The following ADAMTS5 variants were observed in gnomAD, a reference collection of about 807,000 sequenced individuals.
ADAMTS5 encodes A disintegrin and metalloproteinase with thrombospondin motifs 5.
ADAMTS5 carries 54 observed loss-of-function variants against 81.4 expected under a neutral mutation model. The ratio of observed to expected loss-of-function variants is 0.66; its 90% CI spans 0.53 to 0.83. The LOEUF is 0.83. ADAMTS5 is among the 40% of genes least tolerant of loss of function. ADAMTS5 has a pLI of 0.00. For missense variants in ADAMTS5, 1,194 were observed against 1,229.9 expected, an observed-to-expected ratio of 0.97 and a Z score of 0.44; for synonymous variants, 532 against 508.8, an observed-to-expected ratio of 1.05 and a Z score of -0.61.
chr21:26,925,248 GTC>G (rs1986785768), intron 7 of ADAMTS5, among the ~76,000 whole-genome samples: 1 of 152,178 alleles, frequency 6.6e-6, no homozygotes, highest in Admixed American at 6.5e-5. Context: ...GGTGAGTAGA[GTC>G]TCTGCATTCC....
Position 26,924,631 on chromosome 21 carries a change from G to A in ADAMTS5, c.2226-11C>T, listed in dbSNP as rs373975626. The A allele has an allele frequency of 6.3e-7, 1 of 1,590,388 alleles. No homozygotes were observed. The highest frequency in any genetic ancestry group is 8.6e-7 in the Non-Finnish European group (1 of 1,166,460). On this transcript the variant is annotated splice_polypyrimidine_tract_variant and intron_variant, in intron 7 of 7. Coordinates refer to ENST00000284987, the MANE Select transcript of ADAMTS5 (RefSeq NM_007038.5). The stretch of plus-strand genomic sequence containing the variant: ...TCAGTGTAACCCTTACTGGAAGTAG[G>A]AATGTTCACAGGAAGTGGGGGAAGG...
chr21:26,926,659 C>T (rs1986810665), intron 7 of ADAMTS5, among the ~76,000 whole-genome samples: 1 of 142,698 alleles, frequency 7.0e-6, no homozygotes, highest in African/African-American at 2.7e-5. Context: ...CAGAGTGAGA[C>T]CCTGTCTTAA....
At position 26,924,452 on chromosome 21, in the gene ADAMTS5, G is replaced by A. The variant is rs750550101; in HGVS notation, c.2394C>T (p.Ile798=). The change falls in exon 8 of 8, where the codon ATC becomes ATT. Residue 798 remains isoleucine, a synonymous_variant. Coordinates refer to ENST00000284987, the MANE Select transcript of ADAMTS5 (RefSeq NM_007038.5). ...GKYMISTSET[I]IDINGTVMNY... is the part of the protein sequence containing the mutation. ...TCATGACTGTTCCATTGATGTCAATGATAGTCTCTGAAGTGGAGATCATGT... is the reference window on the plus strand; with the variant it reads ...TCATGACTGTTCCATTGATGTCAATAATAGTCTCTGAAGTGGAGATCATGT... 1 of 1,614,184 alleles carries A rather than the reference G, an allele frequency of 6.2e-7. No homozygotes were observed. The highest frequency in any genetic ancestry group is 1.1e-5 in the South Asian group (1 of 91,084).
intron 3 of ADAMTS5, among the ~76,000 whole-genome samples, chr21:26,937,064 T>C (rs1434470477): frequency 6.6e-6 from 1 of 152,234 alleles, no homozygotes; most frequent in Non-Finnish European, 1.5e-5. Flanking sequence ...AGGAAGTCTT[T>C]ACCATGTGTG....
intron 2 of ADAMTS5, among the ~76,000 whole-genome samples, chr21:26,952,072 C>T (rs1987329828): frequency 6.6e-6 from 1 of 152,138 alleles, no homozygotes; most frequent in East Asian, 1.9e-4. Flanking sequence ...CATATTCCCC[C>T]ACTTCCAGAC....
intron 2 of ADAMTS5, among the ~76,000 whole-genome samples, chr21:26,948,112 A>G (rs970874778): frequency 3.9e-5 from 6 of 152,226 alleles, no homozygotes; most frequent in Non-Finnish European, 7.3e-5. Flanking sequence ...GCTTCATTAA[A>G]TTCACAAGAG....
intron 6 of ADAMTS5, among the ~76,000 whole-genome samples, chr21:26,930,759 A>C (rs1986892575): frequency 6.6e-6 from 1 of 152,196 alleles, no homozygotes; most frequent in South Asian, 2.1e-4. Flanking sequence ...ATATATATAA[A>C]TAAGCCTGTA....
At chr21:26,963,395 C>A (rs894994336) in intron 1 of ADAMTS5, among the ~76,000 whole-genome samples, 1 of 151,666 alleles carries the variant, frequency 6.6e-6, no homozygotes, top group Admixed American at 6.6e-5. Context: ...TGTTATGGGG[C>A]AGGAGGTAGG....
intron 5 of ADAMTS5, 28 bp downstream of exon 5, chr21:26,932,833 T>C (rs756271144): frequency 1.3e-6 from 2 of 1,582,046 alleles, no homozygotes; most frequent in South Asian, 2.3e-5. Flanking sequence ...TAGCATATGA[T>C]GGTTGCTGAC....
In ADAMTS5 at chr21:26,932,975, C is replaced by T. The variant is rs761333384; in HGVS notation, c.1759G>A (p.Val587Met). The T allele has an allele frequency of 5.6e-6, 9 of 1,614,066 alleles. No individual in the cohort carries two copies. Among genetic ancestry groups the T allele is most frequent in the East Asian group, 4.5e-5 (2 of 44,852 alleles). Reference sequence around the variant, plus strand: ...TTACAGTGACGATAGGCAAACTGCACTCCTCCTCCACATGAGCGAGAACAC... The same window carrying T: ...TTACAGTGACGATAGGCAAACTGCATTCCTCCTCCACATGAGCGAGAACAC... ...GQCSRSCGGG[V>M]QFAYRHCNNP... Residue 587 changes from valine (V) to methionine (M), a missense_variant, in exon 5 of 8, where the codon GTG (valine) becomes ATG (methionine). Physicochemically the swap from Val to Met is conservative, Grantham distance 21. Coordinates refer to ENST00000284987, the MANE Select transcript of ADAMTS5 (RefSeq NM_007038.5).
At chr21:26,950,445 A>C (rs534271024) in intron 2 of ADAMTS5, among the ~76,000 whole-genome samples, 2 of 152,230 alleles carry the variant, frequency 1.3e-5, no homozygotes, top group South Asian at 4.1e-4. Flanking sequence ...GGCTGTAAAC[A>C]CATTCCTGCC....
At chr21:26,948,473 T>C (rs1398718690) in intron 2 of ADAMTS5, among the ~76,000 whole-genome samples, 1 of 152,196 alleles carries the variant, frequency 6.6e-6, no homozygotes, top group Non-Finnish European at 1.5e-5. Flanking sequence ...TTTTACCTAA[T>C]TTTCCAGCTG....
chr21:26,964,168 A>G (rs1267382253), intron 1 of ADAMTS5, among the ~76,000 whole-genome samples: 3 of 152,218 alleles, frequency 2.0e-5, no homozygotes, highest in Non-Finnish European at 4.4e-5. Flanking sequence ...TCAAATACTT[A>G]AAGAATGAGC....
At chr21:26,957,259 A>T (rs1421929040) in intron 1 of ADAMTS5, among the ~76,000 whole-genome samples, 1 of 152,234 alleles carries the variant, frequency 6.6e-6, no homozygotes, top group African/African-American at 2.4e-5. Flanking sequence ...TGTAAACCTT[A>T]TTTGAAGTTT....
chr21:26,942,316 C>T (rs572035916), intron 3 of ADAMTS5, among the ~76,000 whole-genome samples: 1 of 152,224 alleles, frequency 6.6e-6, no homozygotes, highest in South Asian at 2.1e-4. Flanking sequence ...GACATTGAGT[C>T]ATAAACTTTG....
In ADAMTS5 at chr21:26,932,711, A is replaced by AAAC. The variant is rs1056720923; in HGVS notation, c.1873+147_1873+149dup. 3.3e-6 allele frequency: 3 copies of AAAC among 919,360 alleles called. No homozygotes were observed. In the African/African-American group the frequency reaches 5.2e-5, roughly 16 times the overall value. 57.0% of individuals were successfully genotyped at this position (919,360 alleles called of 1,614,324 possible). The stretch of plus-strand genomic sequence containing the variant: ...GTGAGACTCCATCTCAAAAAAAAAC[A>AAAC]AACACATAGGTGTTTGTTATTGATC... On this transcript the variant is annotated intron_variant, in intron 5 of 7. Coordinates refer to ENST00000284987, the MANE Select transcript of ADAMTS5 (RefSeq NM_007038.5).
Position 26,921,274 on chromosome 21 carries a change from T to C in ADAMTS5, c.*2779A>G, listed in dbSNP as rs1398036771. The C allele has an allele frequency of 6.6e-6, 1 of 152,392 alleles. No homozygotes were observed. Among genetic ancestry groups the C allele is most frequent in the Non-Finnish European group, 1.5e-5 (1 of 67,948 alleles). The allele number at this position is 152,392 out of a possible 1,614,324, so 9.4% of individuals were successfully genotyped here. A position where few individuals can be genotyped will look rare whatever the true frequency, so the allele number is the denominator to read the frequency against. ...AAATTTATTGAATAAATTATAACAATGCCCACATATTTCTAAACAGCAAGG... is the reference window on the plus strand; with the variant it reads ...AAATTTATTGAATAAATTATAACAACGCCCACATATTTCTAAACAGCAAGG... On this transcript the variant is annotated 3_prime_UTR_variant, in exon 8 of 8. Coordinates refer to ENST00000284987, the MANE Select transcript of ADAMTS5 (RefSeq NM_007038.5).
At chr21:26,965,156 T>G in intron 1 of ADAMTS5, 132 bp downstream of exon 1, 1 of 1,351,824 alleles carries the variant, frequency 7.4e-7, no homozygotes, top group South Asian at 1.4e-5. Flanking sequence ...CTGGTTGGAT[T>G]TCCTGCAAGA....
chr21:26,928,701 C>T (rs982923066), intron 7 of ADAMTS5, among the ~76,000 whole-genome samples: 11 of 146,778 alleles, frequency 7.5e-5, no homozygotes, highest in African/African-American at 2.5e-4. Context: ...TTCTCTCTCT[C>T]TCTTTCTTTC....
Sources: gnomAD v4.1 joint callset for allele counts (sites outside exome capture counted in the v4.1 genomes callset) on GRCh38, gnomAD v4.1.1 for gene constraint, MANE v1.5 for transcripts, NCBI Gene and HGNC (gene_info 2026-07-23, HGNC 2026-07-21) for gene names.